HIVEP1: variants seen among roughly 807,000 people sequenced by gnomAD.
HIVEP1 encodes zinc finger protein 40.
HIVEP1 carries 36 observed loss-of-function variants against 180.0 expected under a neutral mutation model. The ratio of observed to expected loss-of-function variants is 0.20; its 90% CI spans 0.15 to 0.26. HIVEP1 has a LOEUF of 0.26. HIVEP1 is among the 10% of genes least tolerant of loss of function. HIVEP1 has a pLI of 1.00. For missense variants in HIVEP1, 3,143 were observed against 3,268.7 expected (o/e 0.96, Z 0.94); for synonymous variants, 1,239 against 1,239.0 (o/e 1.00, Z 0.00).
At chr6:12,133,408 A>G (rs184441100) in intron 6 of HIVEP1, among the ~76,000 whole-genome samples, 8 of 152,320 alleles carry the variant, frequency 5.3e-5, no homozygotes, top group Non-Finnish European at 1.5e-5. Context: ...TGTTTATTAA[A>G]TCTATCAGAA....
intron 2 of HIVEP1, chr6:12,037,796 G>T: frequency 2.2e-6 from 1 of 455,122 alleles, no homozygotes; most frequent in South Asian, 4.7e-5. Flanking sequence ...AAACTTCTGG[G>T]GACAAGCTAA....
chr6:12,129,526 T>C, intron 4 of HIVEP1: 1 of 611,050 alleles, frequency 1.6e-6, no homozygotes, highest in African/African-American at 1.8e-5. Flanking sequence ...TTTGGGGGTG[T>C]CAGTGAACTG....
In HIVEP1 at chr6:12,124,501, C is replaced by G. The variant is rs1757926183; in HGVS notation, c.4706C>G (p.Ser1569Ter). 1 of 1,614,204 alleles carries G rather than the reference C, an allele frequency of 6.2e-7. No individual in the cohort carries two copies. The highest frequency in any genetic ancestry group is 1.3e-5 in the African/African-American group (1 of 75,056). ...CAATTGCATTGTCAGGTTTTCACTT[C>G]AGGCCCATCTTGCTCTTCTAATCCT... ...KYQLHCQVFT[S>*]GPSCSSNPVH... Residue 1569 changes from serine (S) to a stop codon, truncating the protein, a stop_gained, in exon 4 of 9, where the codon TCA becomes TGA. Coordinates refer to ENST00000379388, the MANE Select transcript of HIVEP1 (RefSeq NM_002114.4). LOFTEE classifies it high-confidence loss of function.
At chr6:12,039,871 A>G (rs1156929516) in intron 2 of HIVEP1, among the ~76,000 whole-genome samples, 1 of 152,160 alleles carries the variant, frequency 6.6e-6, no homozygotes. Context: ...CTGCCTCCAC[A>G]GGGAGCACTG....
chr6:12,038,746 A>G (rs9366948), intron 2 of HIVEP1: 1 of 152,356 alleles, frequency 6.6e-6, no homozygotes, highest in Non-Finnish European at 1.5e-5. Context: ...ACCACCACCA[A>G]CAACAACAAC....
chr6:12,010,694 G>T (rs76166246), upstream of HIVEP1, among the ~76,000 whole-genome samples: 1,606 of 151,906 alleles, frequency 0.011, 18 homozygotes, highest in African/African-American at 0.037. Context: ...TGCTTCTTGA[G>T]GTGGACCTGT....
intron 2 of HIVEP1, among the ~76,000 whole-genome samples, chr6:12,026,377 C>T (rs548417711): frequency 1.1e-3 from 161 of 152,160 alleles, no homozygotes; most frequent in African/African-American, 3.6e-3. Context: ...AGTTTTGAGA[C>T]GGGTTTTTAA....
intron 3 of HIVEP1, among the ~76,000 whole-genome samples, chr6:12,097,069 T>G (rs562144231): frequency 7.9e-5 from 12 of 152,174 alleles, no homozygotes; most frequent in African/African-American, 2.9e-4. Context: ...ATTCTGTATT[T>G]TAAATGGAAT....
upstream of HIVEP1, among the ~76,000 whole-genome samples, chr6:12,009,912 A>C (rs1028674577): frequency 6.6e-6 from 1 of 152,250 alleles, no homozygotes; most frequent in African/African-American, 2.4e-5. Context: ...GCTGAATCCT[A>C]CATAAACATT....
At chr6:12,192,029 A>G in the HIVEP1 span, among the ~76,000 whole-genome samples, 1 of 152,212 alleles carries the variant, frequency 6.6e-6, no homozygotes, top group Non-Finnish European at 1.5e-5. Context: ...CCACTAGACA[A>G]TTGCTAACTA....
Position 12,122,340 on chromosome 6 carries a change from G to A in HIVEP1, c.2545G>A (p.Ala849Thr). 1 of 1,614,226 alleles carries A rather than the reference G, an allele frequency of 6.2e-7. No individual in the cohort carries two copies. Among genetic ancestry groups the A allele is most frequent in the Non-Finnish European group, 8.5e-7 (1 of 1,180,046 alleles). The change falls in exon 4 of 9, where the codon GCA becomes ACA. Residue 849 changes from alanine to threonine, a missense_variant. This residue lies in a region of HIVEP1 where 204 missense variants were observed against 243.7 expected (regional missense o/e 0.84). Coordinates refer to ENST00000379388, the MANE Select transcript of HIVEP1 (RefSeq NM_002114.4). The part of the protein sequence containing the change: ...SNSMPTTGYS[A>T]VPANIIPPPH... ...TTCCATGCCGACCACAGGTTATTCA[G>A]CAGTACCTGCAAATATAATACCTCC...
chr6:12,178,284 A>G, the HIVEP1 span, among the ~76,000 whole-genome samples: 1 of 152,208 alleles, frequency 6.6e-6, no homozygotes, highest in East Asian at 1.9e-4. Context: ...ACACTAGGAA[A>G]ATGTTCAAAC....
At chr6:12,131,779 T>TTAAA in intron 6 of HIVEP1, among the ~76,000 whole-genome samples, 1 of 90,670 alleles carries the variant, frequency 1.1e-5, no homozygotes, top group East Asian at 4.4e-4. Context: ...GAGAAAACAG[T>TTAAA]AAAAAAAAAA....
intron 2 of HIVEP1, among the ~76,000 whole-genome samples, chr6:12,088,117 A>G (rs1773222064): frequency 6.6e-6 from 1 of 152,146 alleles, no homozygotes; most frequent in Admixed American, 6.6e-5. Context: ...AGGCAGGTAG[A>G]TCAGAGTTTG....
chr6:12,034,396 T>C (rs1769145738), intron 2 of HIVEP1, among the ~76,000 whole-genome samples: 1 of 152,232 alleles, frequency 6.6e-6, no homozygotes, highest in African/African-American at 2.4e-5. Flanking sequence ...GGATAATTTT[T>C]CTTGTACACT....
rs144539441 is a variant in HIVEP1, at chr6:12,039,482, A to G, written c.40+23814A>G. Among the ~76,000 whole-genome samples the G allele has an allele frequency of 5.1e-4, 77 of 152,312 alleles. 1 individual carries two copies. In the East Asian group the frequency reaches 0.014, roughly 27 times the overall value. ...GGAACCCTGCCTTAGGTCTAATGAA[A>G]GTGATATTCTTGTGTATTTTCAGGG... On this transcript the variant is annotated intron_variant, in intron 2 of 8. Coordinates refer to ENST00000379388, the MANE Select transcript of HIVEP1 (RefSeq NM_002114.4).
chr6:12,038,998 A>G (rs1318022789), intron 2 of HIVEP1: 1 of 152,208 alleles, frequency 6.6e-6, no homozygotes, highest in Non-Finnish European at 1.5e-5. Context: ...ACAGGCACAT[A>G]GAATGAATGT....
the HIVEP1 span, among the ~76,000 whole-genome samples, chr6:12,186,642 G>A: frequency 3.3e-5 from 5 of 151,106 alleles, no homozygotes; most frequent in African/African-American, 1.2e-4. Flanking sequence ...CTGCCTGCCA[G>A]AATAAAACTC....
At chr6:12,148,651 G>T (rs1759513935) in intron 7 of HIVEP1, among the ~76,000 whole-genome samples, 1 of 152,024 alleles carries the variant, frequency 6.6e-6, no homozygotes, top group Admixed American at 6.5e-5. Context: ...AACCACACCG[G>T]GATTTCATTT....
Sources: allele counts gnomAD v4.1 joint callset (sites outside exome capture counted in the v4.1 genomes callset), GRCh38; gene constraint gnomAD v4.1.1; regional missense constraint gnomAD v4.1.1; transcripts MANE v1.5; gene names NCBI Gene and HGNC (gene_info 2026-07-23, HGNC 2026-07-21).